The following SYK variants were observed in gnomAD, a reference collection of about 807,000 sequenced individuals.
SYK encodes spleen associated tyrosine kinase.
In SYK, 16 loss-of-function variants were observed where a neutral mutation model predicts 77.8. The observed-to-expected ratio is 0.21, with a 90% CI of 0.14 to 0.31. The LOEUF (loss-of-function observed/expected upper bound fraction) is 0.31. Ranked by LOEUF, SYK falls within the 10% of genes least tolerant of loss-of-function variation. SYK has a pLI of 1.00. For synonymous variants in SYK, 312 were observed against 308.7 expected (o/e 1.01, Z -0.11); for missense variants, 529 against 814.4 (o/e 0.65, Z 4.26).
Position 90,887,743 on chromosome 9 carries a change from T to A in SYK, c.1582-6T>A. ...AATGGAATTTCTCCCTCTGCTTTGC[T>A]TTTAGGCCCAGACCCATGGAAAGTG... On this transcript the variant is annotated splice_region_variant and splice_polypyrimidine_tract_variant and intron_variant, in intron 11 of 13. Transcript: ENST00000375754. 2 of 1,595,496 alleles carry A rather than the reference T, an allele frequency of 1.3e-6. No homozygotes were observed. Among genetic ancestry groups the A allele is most frequent in the Middle Eastern group, 3.3e-4 (2 of 5,984 alleles).
At chr9:90,878,603 A>G (rs930414169) in intron 10 of SYK, among the ~76,000 whole-genome samples, 161 bp from the exon 11 acceptor site, 5 of 152,204 alleles carry the variant, frequency 3.3e-5, no homozygotes, top group Non-Finnish European at 7.3e-5. Flanking sequence ...TGAGTCCTGA[A>G]GAGCTATATG....
intron 1 of SYK, among the ~76,000 whole-genome samples, chr9:90,822,461 T>C (rs756787891): frequency 2.6e-5 from 4 of 152,240 alleles, no homozygotes; most frequent in South Asian, 4.1e-4. Context: ...CCCATTGAAT[T>C]CTCAAAATGA....
chr9:90,879,350 T>G (rs2118897048), intron 11 of SYK, among the ~76,000 whole-genome samples: 1 of 152,336 alleles, frequency 6.6e-6, no homozygotes, highest in South Asian at 2.1e-4. Flanking sequence ...GTAGAGGGTT[T>G]ACTGCACTGC....
intron 1 of SYK, among the ~76,000 whole-genome samples, chr9:90,807,632 T>C (rs1253140707): frequency 6.6e-6 from 1 of 152,218 alleles, no homozygotes. Context: ...CACGTCCAGA[T>C]AGGTTTGATG....
chr9:90,830,885 T>G (rs73650259), intron 1 of SYK, among the ~76,000 whole-genome samples: 12,760 of 152,140 alleles, frequency 0.084, 1,795 homozygotes, highest in African/African-American at 0.29. Flanking sequence ...ACACCCGGCC[T>G]CCTCTTTCTT....
chr9:90,848,179 C>G (rs1424817371), intron 3 of SYK, among the ~76,000 whole-genome samples: 1 of 152,114 alleles, frequency 6.6e-6, no homozygotes, highest in Admixed American at 6.6e-5. Context: ...GGTCTGCATC[C>G]CTGAATACAA....
At chr9:90,841,328 TGTG>T (rs1477228230) in intron 1 of SYK, among the ~76,000 whole-genome samples, 14 of 113,834 alleles carry the variant, frequency 1.2e-4, no homozygotes, top group African/African-American at 3.9e-4. Context: ...CGTAGTGTGT[TGTG>T]TGTACTGTGT....
At chr9:90,811,314 A>G (rs1270643184) in intron 1 of SYK, among the ~76,000 whole-genome samples, 1 of 152,246 alleles carries the variant, frequency 6.6e-6, no homozygotes, top group Non-Finnish European at 1.5e-5. Context: ...GAAAAAAGAC[A>G]CAGATGGGTG....
Position 90,862,307 on chromosome 9 carries a change from C to A in SYK, c.680C>A (p.Ser227Tyr). Residue 227 changes from serine to tyrosine, a missense_variant, in exon 4 of 14, where the codon TCC becomes TAC. Transcript: ENST00000375754. ...GACAAAGACAAGACAGGGAAGCTCT[C>A]CATCCCCGAGGGAAAGAAGTTCGAC... ...RIDKDKTGKL[S>Y]IPEGKKFDTL... The A allele has an allele frequency of 6.2e-7, 1 of 1,614,124 alleles. No individual in the cohort carries two copies. Among genetic ancestry groups the A allele is most frequent in the Non-Finnish European group, 8.5e-7 (1 of 1,179,968 alleles).
intron 1 of SYK, among the ~76,000 whole-genome samples, chr9:90,839,528 T>G (rs1826215319): frequency 6.6e-6 from 1 of 152,136 alleles, no homozygotes; most frequent in South Asian, 2.1e-4. Context: ...CTCACTTCCT[T>G]TCCATTCACT....
intron 7 of SYK, among the ~76,000 whole-genome samples, chr9:90,870,106 C>CAAAAAAAGAA (rs780894316): frequency 8.0e-5 from 12 of 150,794 alleles, no homozygotes; most frequent in Non-Finnish European, 1.6e-4. Flanking sequence ...GTCTCAAAAA[C>CAAAAAAAGAA]AAAAAAAGAA....
intron 1 of SYK, among the ~76,000 whole-genome samples, chr9:90,822,963 G>T (rs1825567011): frequency 6.6e-6 from 1 of 152,180 alleles, no homozygotes; most frequent in Admixed American, 6.5e-5. Context: ...TCATGGCCCT[G>T]GCATGGGAGG....
intron 7 of SYK, among the ~76,000 whole-genome samples, chr9:90,871,793 G>T (rs1258662629): frequency 6.6e-6 from 1 of 152,196 alleles, no homozygotes; most frequent in African/African-American, 2.4e-5. Context: ...AGTTGATGTG[G>T]GGTTGTTGAG....
intron 1 of SYK, among the ~76,000 whole-genome samples, chr9:90,835,960 T>G (rs1826066028): frequency 6.6e-6 from 1 of 152,216 alleles, no homozygotes; most frequent in Non-Finnish European, 1.5e-5. Flanking sequence ...TTGACAATTT[T>G]AAAAACTTGC....
intron 1 of SYK, among the ~76,000 whole-genome samples, chr9:90,840,152 C>T (rs1423503340): frequency 1.3e-5 from 2 of 152,132 alleles, no homozygotes; most frequent in African/African-American, 4.8e-5. Context: ...GCAAGTCCTG[C>T]GGAGGACTCC....
At chr9:90,809,199 C>T (rs146254096) in intron 1 of SYK, among the ~76,000 whole-genome samples, 1 of 152,338 alleles carries the variant, frequency 6.6e-6, no homozygotes, top group East Asian at 1.9e-4. Flanking sequence ...GTAGCTCTGT[C>T]ATGAAGTCTG....
chr9:90,859,890 G>A (rs2118766658), intron 3 of SYK, among the ~76,000 whole-genome samples: 1 of 152,338 alleles, frequency 6.6e-6, no homozygotes, highest in South Asian at 2.1e-4. Flanking sequence ...GTCTGTCTCA[G>A]TTTTTAACAA....
At chr9:90,839,445 A>G (rs1191882120) in intron 1 of SYK, among the ~76,000 whole-genome samples, 2 of 152,048 alleles carry the variant, frequency 1.3e-5, no homozygotes, top group Non-Finnish European at 2.9e-5. Context: ...AAAGCCACAC[A>G]GAGTGTCCCT....
At chr9:90,889,606 T>C (rs1255689679) in intron 13 of SYK, among the ~76,000 whole-genome samples, 3 of 152,176 alleles carry the variant, frequency 2.0e-5, no homozygotes, top group Non-Finnish European at 2.9e-5. Flanking sequence ...TCATTCTGTA[T>C]CTAGAAACCA....
Sources: gnomAD v4.1 joint callset for allele counts (sites outside exome capture counted in the v4.1 genomes callset) on GRCh38, gnomAD v4.1.1 for gene constraint, MANE v1.5 for transcripts, NCBI Gene and HGNC (gene_info 2026-07-23, HGNC 2026-07-21) for gene names.